GNAQ: variants seen among roughly 807,000 people sequenced by gnomAD.
The protein encoded by GNAQ is guanine nucleotide-binding protein G(q) subunit alpha.
GNAQ carries 8 observed loss-of-function variants against 43.9 expected under a neutral mutation model. The observed-to-expected ratio is 0.18, with a 90% CI of 0.11 to 0.33. The LOEUF (loss-of-function observed/expected upper bound fraction) is 0.33. Among genes scored for constraint, GNAQ ranks in the 10% least tolerant of loss-of-function variants. The pLI is 1.00. For synonymous variants in GNAQ, 155 were observed against 170.7 expected (o/e 0.91, Z 0.71); for missense variants, 158 against 450.8 (o/e 0.35, Z 5.88).
chr9:77,961,139 G>A (rs1823102235), intron 1 of GNAQ, among the ~76,000 whole-genome samples: 1 of 152,156 alleles, frequency 6.6e-6, no homozygotes, highest in African/African-American at 2.4e-5. Flanking sequence ...ACCAGACTTT[G>A]AATTTATACT....
At chr9:78,022,986 T>A (rs1336399739) in intron 1 of GNAQ, among the ~76,000 whole-genome samples, 1 of 152,054 alleles carries the variant, frequency 6.6e-6, no homozygotes, top group Non-Finnish European at 1.5e-5. Flanking sequence ...AGAAGAGGGT[T>A]TTCAAATCAT....
chr9:77,746,593 C>T (rs950713006), intron 5 of GNAQ, among the ~76,000 whole-genome samples: 1 of 151,766 alleles, frequency 6.6e-6, no homozygotes, highest in Non-Finnish European at 1.5e-5. Context: ...GCAATTAACT[C>T]GTGGGAAAAA....
At chr9:78,028,288 G>T (rs1180912899) in intron 1 of GNAQ, among the ~76,000 whole-genome samples, 1 of 152,008 alleles carries the variant, frequency 6.6e-6, no homozygotes, top group Non-Finnish European at 1.5e-5. Context: ...AGATTTCAGG[G>T]TTCACGTTTC....
chr9:77,752,099 T>C (rs1278916173), intron 5 of GNAQ, among the ~76,000 whole-genome samples: 1 of 152,236 alleles, frequency 6.6e-6, no homozygotes, highest in Admixed American at 6.5e-5. Flanking sequence ...AAAATTCATT[T>C]TTTAAAACCT....
chr9:77,826,219 G>T (rs777962854), intron 2 of GNAQ, among the ~76,000 whole-genome samples: 1 of 152,110 alleles, frequency 6.6e-6, no homozygotes, highest in Non-Finnish European at 1.5e-5. Flanking sequence ...CTATGGCAAA[G>T]AATAGAACCT....
chr9:77,905,758 G>A (rs980660334), intron 2 of GNAQ, among the ~76,000 whole-genome samples: 48 of 152,088 alleles, frequency 3.2e-4, no homozygotes, highest in African/African-American at 1.1e-3. Flanking sequence ...CAGCACTTAC[G>A]GAAACATTTG....
At chr9:77,730,301 C>T (rs1185580919) in intron 5 of GNAQ, among the ~76,000 whole-genome samples, 1 of 152,180 alleles carries the variant, frequency 6.6e-6, no homozygotes, top group Non-Finnish European at 1.5e-5. Context: ...GCTATGAACA[C>T]CTTCTGCTCA....
At chr9:77,888,537 A>G (rs776505690) in intron 2 of GNAQ, among the ~76,000 whole-genome samples, 1 of 152,172 alleles carries the variant, frequency 6.6e-6, no homozygotes, top group Non-Finnish European at 1.5e-5. Context: ...ATGTCTACTC[A>G]TTGTCGCAAT....
At chr9:77,872,297 T>C (rs755861476) in intron 2 of GNAQ, among the ~76,000 whole-genome samples, 3 of 152,148 alleles carry the variant, frequency 2.0e-5, no homozygotes, top group Non-Finnish European at 2.9e-5. Context: ...CACTGTCAAA[T>C]TACCATTAAA....
rs1042430462 is a variant in GNAQ at position 77,721,074 on chromosome 9, A to G, written c.*249T>C. The G allele has an allele frequency of 5.8e-5, 22 of 378,954 alleles. No homozygotes were observed. The highest frequency in any genetic ancestry group is 9.8e-5 in the Non-Finnish European group (21 of 213,392). 23.5% of individuals were successfully genotyped at this position (378,954 alleles called of 1,614,324 possible). ...GAGAATTTAAAATACACTGAGTCAC[A>G]AGGTTTTGCCTAAAAAAAAGATAGA... On this transcript the variant is annotated 3_prime_UTR_variant, in exon 7 of 7. Transcript: ENST00000286548.
chr9:77,800,046 G>C (rs1029624547), intron 3 of GNAQ, among the ~76,000 whole-genome samples: 1 of 152,136 alleles, frequency 6.6e-6, no homozygotes, highest in African/African-American at 2.4e-5. Context: ...TTCTGGGAAG[G>C]GATCTGTATT....
intron 1 of GNAQ, among the ~76,000 whole-genome samples, chr9:77,969,967 C>T (rs984609988): frequency 1.3e-5 from 2 of 152,130 alleles, no homozygotes; most frequent in Non-Finnish European, 2.9e-5. Flanking sequence ...GCCTGTAATC[C>T]CAGCACTCTG....
intron 1 of GNAQ, among the ~76,000 whole-genome samples, chr9:77,978,462 C>CTTCT (rs1380660331): frequency 2.6e-5 from 4 of 152,214 alleles, no homozygotes; most frequent in Admixed American, 2.0e-4. Flanking sequence ...TAGCCTCAGG[C>CTTCT]TTCTGTCTGC....
At position 77,720,444 on chromosome 9, in the gene GNAQ, G is replaced by A. The variant is rs1825293655; in HGVS notation, c.*879C>T. 1.3e-5 allele frequency: 3 copies of A among 233,464 alleles called. No individual in the cohort carries two copies. The South Asian group carries it at 5.4e-4, about 42-fold the overall frequency. 14.5% of individuals were successfully genotyped at this position (233,464 alleles called of 1,614,324 possible). ...TAAGAACAACCTATAAAAAGGTTCT[G>A]GGTAGCAGCCATTAGGGTAATGTAG... On this transcript the variant is annotated 3_prime_UTR_variant, in exon 7 of 7. Coordinates refer to ENST00000286548, the MANE Select transcript of GNAQ (RefSeq NM_002072.5).
intron 1 of GNAQ, among the ~76,000 whole-genome samples, chr9:77,940,190 T>C (rs899126606): frequency 6.6e-6 from 1 of 152,198 alleles, no homozygotes; most frequent in Non-Finnish European, 1.5e-5. Context: ...GGAAAAAATC[T>C]GAATATTAGC....
At chr9:77,749,748 A>G (rs1825783242) in intron 5 of GNAQ, among the ~76,000 whole-genome samples, 1 of 152,202 alleles carries the variant, frequency 6.6e-6, no homozygotes, top group African/African-American at 2.4e-5. Flanking sequence ...ACACAGACAT[A>G]TAAAACTAAC....
At chr9:77,854,314 C>A (rs1827718160) in intron 2 of GNAQ, among the ~76,000 whole-genome samples, 3 of 152,144 alleles carry the variant, frequency 2.0e-5, no homozygotes, top group Admixed American at 1.3e-4. Context: ...CCTAATGCAA[C>A]TGATACCCCT....
chr9:77,965,838 CAAAAA>C (rs34650547), intron 1 of GNAQ, among the ~76,000 whole-genome samples: 2 of 129,978 alleles, frequency 1.5e-5, no homozygotes, highest in Non-Finnish European at 1.6e-5. Context: ...TTACTCCGAG[CAAAAA>C]AAAAAAAAAA....
At chr9:77,967,343 C>T (rs1361832877) in intron 1 of GNAQ, among the ~76,000 whole-genome samples, 1 of 152,132 alleles carries the variant, frequency 6.6e-6, no homozygotes, top group Non-Finnish European at 1.5e-5. Flanking sequence ...TAGGCTTCCA[C>T]CACCTGCTGT....
Sources: allele counts gnomAD v4.1 joint callset (sites outside exome capture counted in the v4.1 genomes callset), GRCh38; gene constraint gnomAD v4.1.1; transcripts MANE v1.5; gene names NCBI Gene and HGNC (gene_info 2026-07-23, HGNC 2026-07-21).